DNAH5: variants seen among roughly 807,000 people sequenced by gnomAD.
DNAH5 encodes dynein axonemal heavy chain 5, also known as axonemal beta dynein heavy chain 5.
A neutral mutation model predicts 518.2 loss-of-function variants in DNAH5; 372 were observed. The ratio of observed to expected loss-of-function variants is 0.72; its 90% CI spans 0.66 to 0.78. DNAH5 has a LOEUF of 0.78. DNAH5 is among the 30% of genes least tolerant of loss of function. DNAH5 has a pLI of 0.00. For synonymous variants in DNAH5, 2,039 were observed against 2,025.9 expected (o/e 1.01, Z -0.17); for missense variants, 5,523 against 5,687.0 (o/e 0.97, Z 0.93).
At position 13,753,875 on chromosome 5, in the gene DNAH5, A is replaced by T. The variant is rs3734108; in HGVS notation, c.10556-326T>A. Among the ~76,000 whole-genome samples, 53,070 of 151,964 alleles carry T rather than the reference A, an allele frequency of 0.35. 9,577 individuals carry two copies. Among genetic ancestry groups the T allele is most frequent in the South Asian group, 0.46 (2,217 of 4,816 alleles). The stretch of plus-strand genomic sequence containing the variant: ...CCTTCATTAAATGTGACCTTCATCA[A>T]TATACCCATGCACTCACAGAATTCT... On this transcript the variant is annotated intron_variant, in intron 62 of 78. Transcript: ENST00000265104.
At chr5:13,746,378 T>G (rs1749332587) in intron 65 of DNAH5, among the ~76,000 whole-genome samples, 1 of 152,088 alleles carries the variant, frequency 6.6e-6, no homozygotes. Flanking sequence ...GGTTACTAAA[T>G]TTGTGGAATT....
intron 1 of DNAH5, among the ~76,000 whole-genome samples, chr5:14,006,107 C>A (rs993838319): frequency 2.0e-5 from 3 of 152,060 alleles, no homozygotes; most frequent in Non-Finnish European, 4.4e-5. Context: ...TTCCCATCAC[C>A]CATTATTCAA....
chr5:13,733,376 T>C (rs1746882267), intron 68 of DNAH5, among the ~76,000 whole-genome samples: 1 of 152,194 alleles, frequency 6.6e-6, no homozygotes, highest in Non-Finnish European at 1.5e-5. Context: ...TATGTGGAAA[T>C]ACATTTCATG....
chr5:13,900,807 T>A, intron 14 of DNAH5: 1 of 326,220 alleles, frequency 3.1e-6, no homozygotes, highest in Non-Finnish European at 5.7e-6. Flanking sequence ...AACACAGCTA[T>A]GGAGACATCG....
At chr5:13,937,879 T>C (rs1424853764) in intron 1 of DNAH5, among the ~76,000 whole-genome samples, 1 of 152,190 alleles carries the variant, frequency 6.6e-6, no homozygotes, top group East Asian at 1.9e-4. Context: ...GAGAATAATA[T>C]AGGTTAAAAT....
intron 15 of DNAH5, chr5:13,896,726 T>C (rs1773961932): frequency 6.6e-6 from 1 of 152,202 alleles, no homozygotes; most frequent in Admixed American, 6.5e-5. Context: ...GAAATGGGCA[T>C]TCTCATCTTT....
chr5:13,928,560 T>C (rs1157225354), intron 2 of DNAH5, among the ~76,000 whole-genome samples: 1 of 152,164 alleles, frequency 6.6e-6, no homozygotes, highest in Non-Finnish European at 1.5e-5. Context: ...TCTAACACTC[T>C]AGAGATAATT....
intron 41 of DNAH5, among the ~76,000 whole-genome samples, chr5:13,818,151 A>C (rs561194150): frequency 7.9e-5 from 12 of 152,356 alleles, no homozygotes; most frequent in African/African-American, 2.4e-4. Flanking sequence ...ATTTTGCATG[A>C]ATCAAGGACT....
At chr5:13,804,991 G>A (rs1393384411) in intron 47 of DNAH5, among the ~76,000 whole-genome samples, 2 of 152,266 alleles carry the variant, frequency 1.3e-5, no homozygotes, top group Non-Finnish European at 1.5e-5. Context: ...AGGCCTCATT[G>A]CATAATAAAA....
chr5:13,705,922 G>A (rs1459067178), intron 76 of DNAH5, among the ~76,000 whole-genome samples: 2 of 152,180 alleles, frequency 1.3e-5, no homozygotes, highest in African/African-American at 4.8e-5. Flanking sequence ...AAGCAAAGAA[G>A]GATGCTCTTC....
rs374206128 is a variant in DNAH5 at position 13,769,515 on chromosome 5, C to T, written c.9706G>A (p.Asp3236Asn). Reference sequence around the variant, plus strand: ...TGCCCACCCACCATGTCGGCTTTATCGTTGGCCACTTGTAGCTCCTTTTCT... The same window carrying T: ...TGCCCACCCACCATGTCGGCTTTATTGTTGGCCACTTGTAGCTCCTTTTCT... Reference protein sequence around the residue: ...AKEKELQVANDKADMVLKEVT... With the variant: ...AKEKELQVANNKADMVLKEVT... Residue 3236 changes from aspartate (D) to asparagine (N), a missense_variant, in exon 57 of 79, where the codon GAT becomes AAT. Physicochemically the swap from Asp to Asn is conservative, Grantham distance 23. Around this residue, in one of 3 missense-constraint regions of DNAH5, gnomAD observed 5,121 missense variants for 5,223.3 expected, o/e 0.98. Coordinates refer to ENST00000265104, the MANE Select transcript of DNAH5 (RefSeq NM_001369.3). 7.2e-5 allele frequency: 116 copies of T among 1,613,860 alleles called. No homozygotes were observed. The highest frequency in any genetic ancestry group is 8.9e-5 in the East Asian group (4 of 44,888).
chr5:13,691,849 T>C lies in DNAH5; in HGVS notation c.*135A>G. ...AAAATATAAGCATCCAATTAAGGAG[T>C]GGGGAAAACCTATGCAGCTCATTAA... On this transcript the variant is annotated 3_prime_UTR_variant, in exon 79 of 79. Coordinates refer to ENST00000265104, the MANE Select transcript of DNAH5 (RefSeq NM_001369.3). 1 of 1,002,724 alleles carries C rather than the reference T, an allele frequency of 1.0e-6. No homozygotes were observed. The highest frequency in any genetic ancestry group is 1.5e-6 in the Non-Finnish European group (1 of 665,314). 62.1% of individuals were successfully genotyped at this position (1,002,724 alleles called of 1,614,324 possible). A position where few individuals can be genotyped will look rare whatever the true frequency, so the allele number is the denominator to read the frequency against.
rs140345677 is a variant in DNAH5 at position 13,864,468 on chromosome 5, C to T, written c.4525G>A (p.Val1509Met). ...CTTAACTTAAAGCTTTCATTCCCCA[C>T]ATCCAGACTGTGCCCGGTGAGGGTG... ...ITTLTGHSLD[V>M]GNESFKLRNI... is the part of the protein sequence containing the mutation. The change falls in exon 28 of 79, where the codon GTG (valine) becomes ATG (methionine). Residue 1509 changes from valine (V) to methionine (M), a missense_variant. Physicochemically the swap from Val to Met is conservative, Grantham distance 21. Around this residue, in one of 3 missense-constraint regions of DNAH5, gnomAD observed 5,121 missense variants for 5,223.3 expected, o/e 0.98. Transcript: ENST00000265104. 280 of 1,614,192 alleles carry T rather than the reference C, an allele frequency of 1.7e-4. No individual in the cohort carries two copies. The highest frequency in any genetic ancestry group is 1.1e-3 in the African/African-American group (85 of 75,058).
At chr5:13,958,227 TA>T (rs1227653966) in intron 1 of DNAH5, among the ~76,000 whole-genome samples, 2 of 152,098 alleles carry the variant, frequency 1.3e-5, no homozygotes, top group African/African-American at 4.8e-5. Context: ...TAAATTATTA[TA>T]AAATTCATCT....
chr5:13,790,750 CTG>C (rs1175136185), intron 50 of DNAH5, among the ~76,000 whole-genome samples: 1 of 152,170 alleles, frequency 6.6e-6, no homozygotes, highest in Non-Finnish European at 1.5e-5. Context: ...ACATGCTGAA[CTG>C]TGAGTCAATT....
At chr5:13,858,845 C>T (rs143257049) in intron 30 of DNAH5, among the ~76,000 whole-genome samples, 25 of 152,198 alleles carry the variant, frequency 1.6e-4, no homozygotes, top group African/African-American at 4.8e-4. Context: ...ATCTTGCATA[C>T]GACTTAAGGT....
chr5:13,869,046 T>G (rs1296588131), intron 24 of DNAH5, among the ~76,000 whole-genome samples: 1 of 152,202 alleles, frequency 6.6e-6, no homozygotes, highest in African/African-American at 2.4e-5. Flanking sequence ...CTCCTCTTCA[T>G]ACTTGAGGGT....
chr5:13,925,573 C>T (rs1777784522), intron 3 of DNAH5, among the ~76,000 whole-genome samples: 1 of 152,156 alleles, frequency 6.6e-6, no homozygotes, highest in Admixed American at 6.5e-5. Context: ...ACATGAATGG[C>T]AGCAGGCAAA....
At position 13,937,398 on chromosome 5, in the gene DNAH5, A is replaced by G. The variant is rs112196445; in HGVS notation, c.58-6154T>C. Among the ~76,000 whole-genome samples, 11 of 151,064 alleles carry G rather than the reference A, an allele frequency of 7.3e-5. 1 individual carries two copies. The highest frequency in any genetic ancestry group is 1.2e-4 in the African/African-American group (5 of 41,024). The stretch of plus-strand genomic sequence containing the variant: ...TGTGGACTGGTACCCAGGTGCTTCC[A>G]GCTGGGATTAATGTATTCAGTTCTC... On this transcript the variant is annotated intron_variant, in intron 1 of 78. Transcript: ENST00000265104.
Sources: gnomAD v4.1 joint callset for allele counts (sites outside exome capture counted in the v4.1 genomes callset) on GRCh38, gnomAD v4.1.1 for gene constraint, gnomAD v4.1.1 regional missense constraint, MANE v1.5 for transcripts, NCBI Gene and HGNC (gene_info 2026-07-23, HGNC 2026-07-21) for gene names.